Variants in EVI5 observed in about 807,000 individuals in gnomAD.
EVI5 encodes the protein ecotropic viral integration site 5 protein homolog.
Under a neutral mutation model 112.0 loss-of-function variants are expected in EVI5, and 73 were observed. The ratio of observed to expected loss-of-function variants is 0.65; its 90% CI spans 0.54 to 0.79. EVI5 has a LOEUF of 0.79. Ranked by LOEUF, EVI5 falls within the 30% of genes least tolerant of loss-of-function variation. The probability of loss-of-function intolerance (pLI) is 0.00; values close to 1 mark genes in which losing one functional copy is unlikely to be tolerated. For missense variants in EVI5, 900 were observed against 968.8 expected, an observed-to-expected ratio of 0.93 and a Z score of 0.94; for synonymous variants, 305 against 319.9, an observed-to-expected ratio of 0.95 and a Z score of 0.50.
At chr1:92,614,841 TA>T (rs1224411766) in intron 16 of EVI5, among the ~76,000 whole-genome samples, 3 of 2,034 alleles carry the variant, frequency 1.5e-3, no homozygotes, top group Non-Finnish European at 2.6e-3. Context: ...TGTTATATTT[TA>T]TATATATATA....
At chr1:92,646,024 T>C (rs1158358765) in intron 13 of EVI5, among the ~76,000 whole-genome samples, 1 of 152,196 alleles carries the variant, frequency 6.6e-6, no homozygotes, top group East Asian at 1.9e-4. Flanking sequence ...TTGTTGTTGG[T>C]TCTAACCTGA....
At chr1:92,670,774 T>C (rs563919346) in intron 10 of EVI5, among the ~76,000 whole-genome samples, 1 of 152,296 alleles carries the variant, frequency 6.6e-6, no homozygotes, top group African/African-American at 2.4e-5. Context: ...ATGATTTCAC[T>C]GAAAAAAACT....
chr1:92,574,590 A>C (rs1670773692), intron 18 of EVI5, among the ~76,000 whole-genome samples: 1 of 152,184 alleles, frequency 6.6e-6, no homozygotes, highest in South Asian at 2.1e-4. Context: ...ATAATATTGA[A>C]AAACACTGGG....
At chr1:92,736,365 T>C (rs367608810) in intron 2 of EVI5, 33 bp downstream of exon 2, 13 of 1,371,854 alleles carry the variant, frequency 9.5e-6, no homozygotes, top group East Asian at 2.3e-5. Flanking sequence ...ATTTGTATAA[T>C]TGGAGAGAAA....
chr1:92,578,448 C>T (rs1571658639), intron 18 of EVI5, among the ~76,000 whole-genome samples: 3 of 152,168 alleles, frequency 2.0e-5, no homozygotes, highest in Admixed American at 2.0e-4. Context: ...AAATGGACGG[C>T]CGGGCGCCTG....
intron 1 of EVI5, among the ~76,000 whole-genome samples, chr1:92,748,123 T>C (rs2158446): frequency 6.6e-6 from 1 of 152,064 alleles, no homozygotes; most frequent in Non-Finnish European, 1.5e-5. Flanking sequence ...CATCTTCCCA[T>C]AGAGTGGTGA....
At chr1:92,602,837 C>A (rs1490013665) in intron 18 of EVI5, among the ~76,000 whole-genome samples, 2 of 151,662 alleles carry the variant, frequency 1.3e-5, no homozygotes, top group Non-Finnish European at 2.9e-5. Flanking sequence ...CAAAACAAAA[C>A]AAAACCCAGG....
chr1:92,769,422 T>C (rs1683073759), intron 1 of EVI5, among the ~76,000 whole-genome samples: 1 of 152,228 alleles, frequency 6.6e-6, no homozygotes, highest in Non-Finnish European at 1.5e-5. Context: ...AGTACTTTGA[T>C]CTTCTGTCCT....
chr1:92,569,423 T>C (rs954104265), intron 18 of EVI5, among the ~76,000 whole-genome samples: 2 of 152,168 alleles, frequency 1.3e-5, no homozygotes, highest in Non-Finnish European at 2.9e-5. Flanking sequence ...CTACAATATA[T>C]AAAGAATTGA....
chr1:92,663,053 C>T (rs544247216), intron 12 of EVI5, among the ~76,000 whole-genome samples, 188 bp from the exon 13 acceptor site: 1 of 151,136 alleles, frequency 6.6e-6, no homozygotes, highest in South Asian at 2.1e-4. Context: ...GGAAACTAAA[C>T]GAAAAATTCA....
At chr1:92,772,329 G>T (rs1380679112) in intron 1 of EVI5, among the ~76,000 whole-genome samples, 2 of 151,824 alleles carry the variant, frequency 1.3e-5, no homozygotes, top group African/African-American at 2.4e-5. Context: ...AGGCGAGGTG[G>T]CTCACGCCTG....
At chr1:92,713,917 A>C (rs182221648) in intron 2 of EVI5, 1 of 540,456 alleles carries the variant, frequency 1.9e-6, no homozygotes, top group East Asian at 1.5e-4. Context: ...AAACCACGCA[A>C]ATAATGGCTC....
intron 18 of EVI5, chr1:92,580,428 G>A (rs1671761560): frequency 6.6e-6 from 1 of 152,584 alleles, no homozygotes; most frequent in African/African-American, 2.4e-5. Context: ...GATAGTTAAA[G>A]TAAGGGGTTC....
intron 19 of EVI5, among the ~76,000 whole-genome samples, chr1:92,557,335 G>A (rs1667831638): frequency 6.6e-6 from 1 of 151,946 alleles, no homozygotes; most frequent in Non-Finnish European, 1.5e-5. Context: ...CCAGGCTGGA[G>A]TGCAGTGGTG....
At chr1:92,517,557 T>C (rs1205991740) in intron 19 of EVI5, among the ~76,000 whole-genome samples, 1 of 152,240 alleles carries the variant, frequency 6.6e-6, no homozygotes, top group Non-Finnish European at 1.5e-5. Context: ...TTCTGAACTA[T>C]GAACATCTGA....
At position 92,563,814 on chromosome 1, in the gene EVI5, G is replaced by A; in HGVS notation, c.2071-77C>T. The A allele has an allele frequency of 6.1e-6, 5 of 814,824 alleles. No individual in the cohort carries two copies. In the South Asian group the frequency reaches 7.8e-5, roughly 13 times the overall value. 50.5% of individuals were successfully genotyped at this position (814,824 alleles called of 1,614,324 possible). On this transcript the variant is annotated intron_variant, in intron 18 of 19. Coordinates refer to ENST00000684568, the MANE Select transcript of EVI5 (RefSeq NM_001350197.2). Reference sequence around the variant, plus strand: ...ATGTACTCAAATAGTTCAAGGTATAGGAAAAGCATAGGCACATACCCTTTA... The same window carrying A: ...ATGTACTCAAATAGTTCAAGGTATAAGAAAAGCATAGGCACATACCCTTTA...
chr1:92,614,838 T>C (rs1467793579), intron 16 of EVI5, among the ~76,000 whole-genome samples: 1 of 15,218 alleles, frequency 6.6e-5, no homozygotes, highest in African/African-American at 3.6e-4. Flanking sequence ...TTATGTTATA[T>C]TTTATATATA....
At chr1:92,760,009 A>G (rs890447745) in intron 1 of EVI5, among the ~76,000 whole-genome samples, 1 of 152,216 alleles carries the variant, frequency 6.6e-6, no homozygotes, top group Non-Finnish European at 1.5e-5. Context: ...TGGCTAAACT[A>G]TAAAGAGAAC....
chr1:92,739,342 T>C (rs552665799), intron 1 of EVI5, among the ~76,000 whole-genome samples: 111 of 144,708 alleles, frequency 7.7e-4, no homozygotes, highest in African/African-American at 2.8e-3. Flanking sequence ...GGCTTAGTAA[T>C]CACACACAAA....
Sources: allele counts gnomAD v4.1 joint callset (sites outside exome capture counted in the v4.1 genomes callset), GRCh38; gene constraint gnomAD v4.1.1; transcripts MANE v1.5; gene names NCBI Gene and HGNC (gene_info 2026-07-23, HGNC 2026-07-21).